Variants in ZNF292 observed in about 807,000 individuals in gnomAD.
ZNF292 encodes 16 zinc-finger domain protein.
A neutral mutation model predicts 217.9 loss-of-function variants in ZNF292; 26 were observed. The observed-to-expected ratio is 0.12, with a 90% CI of 0.09 to 0.17. ZNF292 has a LOEUF of 0.17. ZNF292 is among the 10% of genes least tolerant of loss of function. The pLI, the probability that ZNF292 is intolerant of heterozygous loss-of-function variation, is 1.00. For synonymous variants in ZNF292, 1,257 were observed against 1,124.1 expected (o/e 1.12, Z -2.37); for missense variants, 2,904 against 3,175.2 (o/e 0.91, Z 2.05).
rs1451712620 is a variant in ZNF292, at chr6:87,259,792, A to C, written c.6163A>C (p.Ser2055Arg). The change falls in exon 8 of 8, where the codon AGT (serine) becomes CGT (arginine). Residue 2055 changes from serine (S) to arginine (R), a missense_variant. Coordinates refer to ENST00000369577, the MANE Select transcript of ZNF292 (RefSeq NM_015021.3). ...AAAAAAAAGTCCTGACAAAACAGAA[A>C]GTTCTTTACAAGTGATTACAGTTAC... ...VEKKSPDKTE[S>R]SLQVITVTSE... 1.2e-6 allele frequency: 2 copies of C among 1,607,262 alleles called. No homozygotes were observed. Among genetic ancestry groups the C allele is most frequent in the Non-Finnish European group, 8.5e-7 (1 of 1,176,620 alleles).
chr6:87,228,521 G>C lies in ZNF292; in HGVS notation c.539-4804G>C, dbSNP rs534351363. Among the ~76,000 whole-genome samples the C allele has an allele frequency of 1.2e-3, 185 of 152,242 alleles. 1 individual carries two copies. The highest frequency in any genetic ancestry group is 4.1e-3 in the African/African-American group (172 of 41,538). On this transcript the variant is annotated intron_variant, in intron 4 of 7. Coordinates refer to ENST00000369577, the MANE Select transcript of ZNF292 (RefSeq NM_015021.3). ...ATCATTGCCAGTCTATTGTCATAAA[G>C]CTTTTCTCTATGGTTTCTTCTACGA...
chr6:87,262,832 TAA>T lies in ZNF292; in HGVS notation c.*1033_*1034del, dbSNP rs1409553606. The T allele has an allele frequency of 6.6e-6, 1 of 152,038 alleles. No homozygotes were observed. Among genetic ancestry groups the T allele is most frequent in the South Asian group, 2.1e-4 (1 of 4,836 alleles). 9.4% of individuals were successfully genotyped at this position (152,038 alleles called of 1,614,324 possible). On this transcript the variant is annotated 3_prime_UTR_variant, in exon 8 of 8. Transcript: ENST00000369577. ...GATTGGTGTATAGCTTTAAACTGTA[TAA>T]AGTTTTGTGGAAAGATTTTTTTAAA... is the stretch of plus-strand genomic sequence containing the variant.
chr6:87,174,007 A>C (rs778250397), intron 1 of ZNF292: 2 of 269,284 alleles, frequency 7.4e-6, no homozygotes, highest in Non-Finnish European at 1.5e-5. Flanking sequence ...GTTAAGATTA[A>C]TGTGTCCTTG....
Position 87,172,615 on chromosome 6 carries a change from A to G in ZNF292, c.168+16856A>G, listed in dbSNP as rs79126120. ...TGCCCTGAGTTTTTCTAAATGCAGA[A>G]TAACATAGGACCAGGCATGGTGGCT... On this transcript the variant is annotated intron_variant, in intron 1 of 7. Coordinates refer to ENST00000369577, the MANE Select transcript of ZNF292 (RefSeq NM_015021.3). Among the ~76,000 whole-genome samples the G allele has an allele frequency of 9.4e-3, 1,438 of 152,242 alleles. 19 individuals are homozygous for G. The highest frequency in any genetic ancestry group is 0.033 in the African/African-American group (1,353 of 41,556).
chr6:87,166,452 A>G (rs568659725), intron 1 of ZNF292, among the ~76,000 whole-genome samples: 1 of 152,344 alleles, frequency 6.6e-6, no homozygotes, highest in East Asian at 1.9e-4. Flanking sequence ...ACACCTACCC[A>G]TAGAGGGTAG....
At chr6:87,243,374 C>A in intron 5 of ZNF292, 101 bp from the exon 6 acceptor site, 54 of 957,730 alleles carry the variant, frequency 5.6e-5, no homozygotes, top group Admixed American at 1.7e-4. Context: ...GCATTTTATT[C>A]ATAAAAACTA....
intron 1 of ZNF292, among the ~76,000 whole-genome samples, chr6:87,157,672 C>G (rs1770590696): frequency 6.6e-6 from 1 of 152,014 alleles, no homozygotes; most frequent in African/African-American, 2.4e-5. Flanking sequence ...GTAAAGTTAT[C>G]ACTTAAAGAT....
At chr6:87,243,270 A>G (rs999622165) in intron 5 of ZNF292, among the ~76,000 whole-genome samples, 1 of 141,452 alleles carries the variant, frequency 7.1e-6, no homozygotes, top group African/African-American at 2.7e-5. Context: ...TCTACTGGCT[A>G]TAAAGAAAGG....
intron 1 of ZNF292, among the ~76,000 whole-genome samples, chr6:87,186,141 C>G (rs1771645568): frequency 6.6e-6 from 1 of 152,306 alleles, no homozygotes; most frequent in South Asian, 2.1e-4. Context: ...GATGTCCAGC[C>G]CCTGTCCTCA....
At chr6:87,243,683 A>G (rs1774427728) in intron 6 of ZNF292, 72 bp downstream of exon 6, 3 of 1,289,724 alleles carry the variant, frequency 2.3e-6, no homozygotes, top group Middle Eastern at 2.0e-4. Context: ...GAGAATTCAT[A>G]TAACTTAGGA....
At chr6:87,231,172 A>G (rs188598220) in intron 4 of ZNF292, among the ~76,000 whole-genome samples, 4 of 152,316 alleles carry the variant, frequency 2.6e-5, no homozygotes, top group Non-Finnish European at 4.4e-5. Flanking sequence ...TGAGCTTTCA[A>G]TAGGACTGAA....
rs890876905 is a variant in ZNF292, at chr6:87,155,951, C to T, written c.168+192C>T. Among the ~76,000 whole-genome samples, 8 of 152,378 alleles carry T rather than the reference C, an allele frequency of 5.3e-5. No individual in the cohort carries two copies. The East Asian group carries it at 1.2e-3, about 22-fold the overall frequency. On this transcript the variant is annotated intron_variant, in intron 1 of 7. Transcript: ENST00000369577. ...TGGCGGTTGTTGTCGTCTGCAGCTC[C>T]TGGCTGGGGGAAGGGAGTTGCGGTC...
chr6:87,207,015 G>T (rs1772276656), intron 1 of ZNF292, among the ~76,000 whole-genome samples: 1 of 152,204 alleles, frequency 6.6e-6, no homozygotes, highest in Non-Finnish European at 1.5e-5. Flanking sequence ...TCTGAAATTG[G>T]ATAGAAAGTT....
At chr6:87,185,022 A>G (rs115355505) in intron 1 of ZNF292, among the ~76,000 whole-genome samples, 201 of 152,338 alleles carry the variant, frequency 1.3e-3, no homozygotes, top group African/African-American at 4.6e-3. Flanking sequence ...ATGTCCTCTG[A>G]AAACATCCTC....
Position 87,261,462 on chromosome 6 carries a change from C to G in ZNF292, c.7833C>G (p.Asp2611Glu), listed in dbSNP as rs1402386404. ...CAGTGAAGCAGAAGAAAAATACTGA[C>G]AAAGACCATCCGAATACTGGAAACA... ...ESAVKQKKNT[D>E]KDHPNTGNKK... The change falls in exon 8 of 8, where the codon GAC becomes GAG. Residue 2611 changes from aspartate (D) to glutamate (E), a missense_variant. Around this residue, in one of 15 missense-constraint regions of ZNF292, gnomAD observed 380 missense variants for 355.3 expected, o/e 1.07. Transcript: ENST00000369577. The G allele has an allele frequency of 1.2e-6, 2 of 1,604,908 alleles. No homozygotes were observed. Among genetic ancestry groups the G allele is most frequent in the Non-Finnish European group, 8.5e-7 (1 of 1,175,220 alleles).
At chr6:87,205,440 T>A (rs973786510) in intron 1 of ZNF292, among the ~76,000 whole-genome samples, 2 of 152,156 alleles carry the variant, frequency 1.3e-5, no homozygotes, top group Non-Finnish European at 2.9e-5. Context: ...GGATTTAGTT[T>A]CTTAATAGGT....
At chr6:87,187,591 G>T (rs1167044640) in intron 1 of ZNF292, among the ~76,000 whole-genome samples, 1 of 151,776 alleles carries the variant, frequency 6.6e-6, no homozygotes, top group Non-Finnish European at 1.5e-5. Context: ...GGTGGTGCAT[G>T]CCTGTAGTCC....
chr6:87,159,208 A>G (rs1320311754), intron 1 of ZNF292, among the ~76,000 whole-genome samples: 1 of 152,130 alleles, frequency 6.6e-6, no homozygotes, highest in Non-Finnish European at 1.5e-5. Context: ...AAGGCATTAA[A>G]TGTTTTTCTT....
chr6:87,218,961 C>G (rs1215830196), intron 4 of ZNF292, among the ~76,000 whole-genome samples: 1 of 152,086 alleles, frequency 6.6e-6, no homozygotes, highest in African/African-American at 2.4e-5. Flanking sequence ...TTCCCAACAT[C>G]TTTTTAACAG....
Sources: gnomAD v4.1 joint callset for allele counts (sites outside exome capture counted in the v4.1 genomes callset) on GRCh38, gnomAD v4.1.1 for gene constraint, gnomAD v4.1.1 regional missense constraint, MANE v1.5 for transcripts, NCBI Gene and HGNC (gene_info 2026-07-23, HGNC 2026-07-21) for gene names.